Variants in BRDT observed in about 807,000 individuals in gnomAD.
The protein encoded by BRDT is bromodomain testis-specific protein.
Under a neutral mutation model 113.9 loss-of-function variants are expected in BRDT, and 77 were observed. The ratio of observed to expected loss-of-function variants is 0.68; its 90% CI spans 0.56 to 0.82. The LOEUF (loss-of-function observed/expected upper bound fraction) is 0.82, where lower values mean the gene tolerates loss of function less well. BRDT is among the 40% of genes least tolerant of loss of function. The pLI, the probability that BRDT is intolerant of heterozygous loss-of-function variation, is 0.00. For synonymous variants in BRDT, 358 were observed against 366.5 expected, an observed-to-expected ratio of 0.98 and a Z score of 0.26; for missense variants, 1,027 against 1,105.4, an observed-to-expected ratio of 0.93 and a Z score of 1.01.
intron 4 of BRDT, among the ~76,000 whole-genome samples, chr1:91,970,910 C>CAAAAAAA (rs56365341): frequency 8.8e-6 from 1 of 113,952 alleles, no homozygotes; most frequent in African/African-American, 3.4e-5. Flanking sequence ...GACCCTTTCT[C>CAAAAAAA]AAAAAAAAAA....
Position 91,981,142 on chromosome 1 carries a change from T to G in BRDT, c.1714T>G (p.Ser572Ala), listed in dbSNP as rs757063337. 3.1e-6 allele frequency: 5 copies of G among 1,612,644 alleles called. No individual in the cohort carries two copies. Among genetic ancestry groups the G allele is most frequent in the Admixed American group, 1.7e-5 (1 of 59,678 alleles). Reference sequence around the variant, plus strand: ...ACTAAGAGAATTAGAAAAATATGTTTCGGCATGTCTAAGAAAGAGACCATT... The same window carrying G: ...ACTAAGAGAATTAGAAAAATATGTTGCGGCATGTCTAAGAAAGAGACCATT... ...STLRELEKYV[S>A]ACLRKRPLKP... Residue 572 changes from serine (S) to alanine (A), a missense_variant, in exon 10 of 19, where the codon TCG (serine) becomes GCG (alanine). Coordinates refer to ENST00000399546, the MANE Select transcript of BRDT (RefSeq NM_207189.4).
At chr1:91,981,556 T>A (rs1022500514) in intron 11 of BRDT, 62 bp from the exon 12 acceptor site, 1 of 1,594,134 alleles carries the variant, frequency 6.3e-7, no homozygotes, top group Non-Finnish European at 8.6e-7. Context: ...GGTGGCAGTT[T>A]TTAAATGTTC....
chr1:91,995,794 G>A lies in BRDT; in HGVS notation c.2287+1540G>A, dbSNP rs187878066. ...TGTGATTACAGGCATGTACCACCAC[G>A]CCCAGCTAATTTTTTGTCTTTTTAG... On this transcript the variant is annotated intron_variant, in intron 15 of 18. Coordinates refer to ENST00000399546, the MANE Select transcript of BRDT (RefSeq NM_207189.4). 1.7e-3 allele frequency among the ~76,000 whole-genome samples: 261 copies of A among 151,942 alleles called. 2 individuals are homozygous for A. The highest frequency in any genetic ancestry group is 0.017 in the Middle Eastern group (5 of 292).
At chr1:91,971,589 T>G (rs540840911) in intron 4 of BRDT, among the ~76,000 whole-genome samples, 4 of 152,352 alleles carry the variant, frequency 2.6e-5, no homozygotes, top group Non-Finnish European at 5.9e-5. Flanking sequence ...GAGCAAATAC[T>G]TGAGTGCTGA....
chr1:91,970,516 C>T (rs745760293), intron 4 of BRDT, among the ~76,000 whole-genome samples: 1 of 152,214 alleles, frequency 6.6e-6, no homozygotes, highest in Non-Finnish European at 1.5e-5. Flanking sequence ...ATCCTCATGC[C>T]TTGGCCTCCC....
intron 15 of BRDT, 112 bp downstream of exon 15, chr1:91,994,366 A>G: frequency 4.6e-6 from 4 of 866,582 alleles, no homozygotes; most frequent in Non-Finnish European, 6.9e-6. Flanking sequence ...AATACCAACA[A>G]TCATAACTAG....
intron 1 of BRDT, among the ~76,000 whole-genome samples, chr1:91,957,832 TTTG>T (rs1681959635): frequency 1.3e-5 from 2 of 152,182 alleles, no homozygotes; most frequent in South Asian, 2.1e-4. Flanking sequence ...TTTGTGTTTT[TTTG>T]TTGTTTTTTG....
chr1:91,951,462 G>A (rs1243306903), intron 1 of BRDT, among the ~76,000 whole-genome samples: 1 of 151,956 alleles, frequency 6.6e-6, no homozygotes, highest in East Asian at 1.9e-4. Flanking sequence ...AAGGCGGGGC[G>A]GCAGGGTGGC....
intron 1 of BRDT, among the ~76,000 whole-genome samples, chr1:91,955,319 T>TA (rs1215048943): frequency 6.6e-6 from 1 of 152,034 alleles, no homozygotes; most frequent in African/African-American, 2.4e-5. Flanking sequence ...GGGTGTAGTG[T>TA]AATGCCTCCC....
chr1:92,013,330 T>C (rs1043021627), intron 18 of BRDT, among the ~76,000 whole-genome samples: 4 of 152,164 alleles, frequency 2.6e-5, no homozygotes, highest in African/African-American at 9.7e-5. Context: ...GAGTCAGACA[T>C]ACCTTTCAAA....
chr1:91,960,157 A>G (rs1282450255), intron 1 of BRDT, among the ~76,000 whole-genome samples: 1 of 152,204 alleles, frequency 6.6e-6, no homozygotes, highest in Admixed American at 6.5e-5. Flanking sequence ...AAAAAATTAG[A>G]AATATAATTG....
At chr1:91,950,162 G>T (rs1409116932) in intron 1 of BRDT, 1 of 152,214 alleles carries the variant, frequency 6.6e-6, no homozygotes, top group African/African-American at 2.4e-5. Context: ...AATTAAGATA[G>T]AGGAGGCCGG....
chr1:91,965,928 T>TA (rs1400936004), intron 3 of BRDT, among the ~76,000 whole-genome samples: 1 of 152,188 alleles, frequency 6.6e-6, no homozygotes, highest in African/African-American at 2.4e-5. Flanking sequence ...TTTCTCTGTC[T>TA]AAAAAAGAGA....
At position 91,949,405 on chromosome 1, in the gene BRDT, C is replaced by T; in HGVS notation, c.-315C>T. On this transcript the variant is annotated 5_prime_UTR_variant, in exon 1 of 19. Coordinates refer to ENST00000399546, the MANE Select transcript of BRDT (RefSeq NM_207189.4). ...GCCTGTCGCGCGACCGCCATTACAA[C>T]AAAAACTGGCGGCGAGGAACTGCGG... The T allele has an allele frequency of 6.6e-6, 1 of 152,262 alleles. No individual in the cohort carries two copies. Among genetic ancestry groups the T allele is most frequent in the East Asian group, 1.9e-4 (1 of 5,184 alleles). 9.4% of individuals were successfully genotyped at this position (152,262 alleles called of 1,614,324 possible). A position where few individuals can be genotyped will look rare whatever the true frequency, so the allele number is the denominator to read the frequency against.
At chr1:91,962,970 A>G (rs779804352) in intron 2 of BRDT, 24 bp downstream of exon 2, 14 of 1,482,414 alleles carry the variant, frequency 9.4e-6, no homozygotes, top group Non-Finnish European at 1.1e-5. Flanking sequence ...CAACTATGTT[A>G]GTTTCAAAAA....
chr1:91,999,218 T>G lies in BRDT; in HGVS notation c.2288-2831T>G, dbSNP rs2101782743. ...GGCAGGTCTGCAAAATATGAAAACA[T>G]GCTGGGTTAATAACCCAGGGATATA... On this transcript the variant is annotated intron_variant, in intron 15 of 18. Transcript: ENST00000399546. Among the ~76,000 whole-genome samples, 2 of 152,160 alleles carry G rather than the reference T, an allele frequency of 1.3e-5. 1 individual carries two copies. The highest frequency in any genetic ancestry group is 6.8e-3 in the Middle Eastern group (2 of 294).
chr1:91,982,076 T>C (rs1475452892), intron 12 of BRDT, among the ~76,000 whole-genome samples: 2 of 152,204 alleles, frequency 1.3e-5, no homozygotes, highest in Non-Finnish European at 2.9e-5. Context: ...CCTTTACTTG[T>C]TTTATAAAAT....
chr1:91,976,450 G>C lies in BRDT; in HGVS notation c.618+12G>C. On this transcript the variant is annotated intron_variant, in intron 5 of 18. Coordinates refer to ENST00000399546, the MANE Select transcript of BRDT (RefSeq NM_207189.4). ...AAACTGCGGCCCAAGTAAGTTTGTTGTAGTTTTTAAATCATTGCTTTTTAA... is the reference window on the plus strand; with the variant it reads ...AAACTGCGGCCCAAGTAAGTTTGTTCTAGTTTTTAAATCATTGCTTTTTAA... The C allele has an allele frequency of 4.6e-6, 7 of 1,518,032 alleles. No homozygotes were observed. Among genetic ancestry groups the C allele is most frequent in the Non-Finnish European group, 6.2e-6 (7 of 1,136,898 alleles). 94.0% of individuals were successfully genotyped at this position (1,518,032 alleles called of 1,614,324 possible).
At chr1:92,008,395 G>T (rs960620564) in intron 18 of BRDT, among the ~76,000 whole-genome samples, 4 of 151,608 alleles carry the variant, frequency 2.6e-5, no homozygotes, top group African/African-American at 7.3e-5. Context: ...ATTTTTTAGA[G>T]CAGTCTTACA....
Sources: gnomAD v4.1 joint callset for allele counts (sites outside exome capture counted in the v4.1 genomes callset) on GRCh38, gnomAD v4.1.1 for gene constraint, MANE v1.5 for transcripts, NCBI Gene and HGNC (gene_info 2026-07-23, HGNC 2026-07-21) for gene names.